Variants in EVC2 observed in about 807,000 individuals in gnomAD.
EVC2 encodes the protein limbin.
EVC2 carries 148 observed loss-of-function variants against 149.3 expected under a neutral mutation model. The observed-to-expected ratio is 0.99, with a 90% CI of 0.87 to 1.14. EVC2 has a LOEUF of 1.14. Ranked by LOEUF, EVC2 falls within the 50% of genes most tolerant of loss-of-function variation. The pLI, the probability that EVC2 is intolerant of heterozygous loss-of-function variation, is 0.00. For missense variants in EVC2, 1,854 were observed against 1,627.3 expected (o/e 1.14, Z -2.40); for synonymous variants, 776 against 649.9 (o/e 1.19, Z -2.95).
At chr4:5,543,476 G>T (rs753728994) in intron 21 of EVC2, among the ~76,000 whole-genome samples, 12 of 152,330 alleles carry the variant, frequency 7.9e-5, no homozygotes, top group Non-Finnish European at 1.5e-4. Flanking sequence ...CACACACCTA[G>T]GAGTTGGTGG....
chr4:5,533,966 G>T, the EVC2 span, among the ~76,000 whole-genome samples: 1 of 152,214 alleles, frequency 6.6e-6, no homozygotes, highest in African/African-American at 2.4e-5. Flanking sequence ...CGATGAGCAA[G>T]GGGGAGATGA....
At chr4:5,589,284 T>C (rs1057428577) in intron 16 of EVC2, among the ~76,000 whole-genome samples, 1 of 152,252 alleles carries the variant, frequency 6.6e-6, no homozygotes, top group African/African-American at 2.4e-5. Context: ...TGATGTCCTC[T>C]GAATTGAGGC....
At chr4:5,671,854 G>T (rs181708757) in intron 7 of EVC2, among the ~76,000 whole-genome samples, 7 of 152,322 alleles carry the variant, frequency 4.6e-5, no homozygotes, top group Admixed American at 4.6e-4. Context: ...CATTTCACAT[G>T]TGAAGAAACC....
At chr4:5,645,247 CTCT>C (rs1381783433) in intron 9 of EVC2, among the ~76,000 whole-genome samples, 1 of 89,408 alleles carries the variant, frequency 1.1e-5, no homozygotes, top group Middle Eastern at 5.8e-3. Context: ...TAACATCCAC[CTCT>C]TTTTTTTTTT....
chr4:5,654,213 CA>C (rs112757078), intron 9 of EVC2, among the ~76,000 whole-genome samples: 15 of 145,824 alleles, frequency 1.0e-4, no homozygotes, highest in East Asian at 2.0e-4. Flanking sequence ...GACTCCGTCT[CA>C]AAAAAAAAAG....
At chr4:5,665,795 G>A in intron 7 of EVC2, 146 bp from the exon 8 acceptor site, 1 of 1,308,452 alleles carries the variant, frequency 7.6e-7, no homozygotes, top group Non-Finnish European at 1.1e-6. Flanking sequence ...CTACCAGCTG[G>A]CTGCCTGGAG....
In EVC2 at chr4:5,682,490, CA is replaced by C. The variant is rs772121177; in HGVS notation, c.817-1178del. On this transcript the variant is annotated intron_variant, in intron 6 of 21. Transcript: ENST00000344408. ...GGGTGACAAGAGTGAAATGCTGTCTCAAAAAAAAAAAATAATAATAATAATA... is the reference window on the plus strand; with the variant it reads ...GGGTGACAAGAGTGAAATGCTGTCTCAAAAAAAAAAATAATAATAATAATA... Among the ~76,000 whole-genome samples, 719 of 141,902 alleles carry C rather than the reference CA, an allele frequency of 5.1e-3. 6 individuals are homozygous for C. The highest frequency in any genetic ancestry group is 0.047 in the South Asian group (210 of 4,514). The allele number at this position is 141,902 out of a possible 152,430, so 93.1% of individuals were successfully genotyped here.
intron 6 of EVC2, among the ~76,000 whole-genome samples, chr4:5,682,502 AT>A (rs199940424): frequency 1.3e-3 from 181 of 143,368 alleles, no homozygotes; most frequent in African/African-American, 3.4e-3. Flanking sequence ...AAAAAAAAAA[AT>A]AATAATAATA....
At chr4:5,536,474 A>G in the EVC2 span, among the ~76,000 whole-genome samples, 1 of 152,224 alleles carries the variant, frequency 6.6e-6, no homozygotes, top group Non-Finnish European at 1.5e-5. Flanking sequence ...AATATTTTTA[A>G]TTTAAATCAC....
intron 7 of EVC2, among the ~76,000 whole-genome samples, chr4:5,672,157 C>T (rs1364076719): frequency 1.3e-5 from 2 of 152,140 alleles, no homozygotes; most frequent in Non-Finnish European, 2.9e-5. Context: ...AGGGGAGCTC[C>T]TCTCCTAGCT....
At position 5,694,258 on chromosome 4, in the gene EVC2, C is replaced by T. The variant is rs976258124; in HGVS notation, c.450+77G>A. 3 of 1,504,978 alleles carry T rather than the reference C, an allele frequency of 2.0e-6. No homozygotes were observed. The African/African-American group carries it at 4.1e-5, about 21-fold the overall frequency. 93.2% of individuals were successfully genotyped at this position (1,504,978 alleles called of 1,614,324 possible). ...TTTTTTTAAGCAACAAAAACCCGTG[C>T]CATTTTATATACAGGCCATAATTGG... is the stretch of plus-strand genomic sequence containing the variant. On this transcript the variant is annotated intron_variant, in intron 3 of 21. Coordinates refer to ENST00000344408, the MANE Select transcript of EVC2 (RefSeq NM_147127.5).
At position 5,663,122 on chromosome 4, in the gene EVC2, A is replaced by G; in HGVS notation, c.1130T>C (p.Leu377Pro). 2 of 1,614,192 alleles carry G rather than the reference A, an allele frequency of 1.2e-6. No homozygotes were observed. The highest frequency in any genetic ancestry group is 1.7e-6 in the Non-Finnish European group (2 of 1,180,018). Residue 377 changes from leucine to proline, a missense_variant, in exon 9 of 22, where the codon CTT (leucine) becomes CCT (proline). Physicochemically the swap from Leu to Pro is moderately conservative, Grantham distance 98. Coordinates refer to ENST00000344408, the MANE Select transcript of EVC2 (RefSeq NM_147127.5). ...GAATTCTTACTCTTCTAAGGCTTGAAGCATGCTCCCAGGGTCCTCGGAAGA... is the reference window on the plus strand; with the variant it reads ...GAATTCTTACTCTTCTAAGGCTTGAGGCATGCTCCCAGGGTCCTCGGAAGA... ...ILSSEDPGSM[L>P]QALEELEIAT...
chr4:5,665,802 G>A (rs529222186), intron 7 of EVC2, among the ~76,000 whole-genome samples, 153 bp from the exon 8 acceptor site: 2 of 152,312 alleles, frequency 1.3e-5, no homozygotes, highest in African/African-American at 4.8e-5. Flanking sequence ...CTGGCTGCCT[G>A]GAGGCCCTCG....
chr4:5,672,984 G>A (rs1328070970), intron 7 of EVC2, among the ~76,000 whole-genome samples: 2 of 152,184 alleles, frequency 1.3e-5, no homozygotes, highest in Non-Finnish European at 2.9e-5. Context: ...TTTGCCAGGG[G>A]CTGGGGGAGA....
intron 16 of EVC2, among the ~76,000 whole-genome samples, chr4:5,592,737 A>T (rs1043385718): frequency 1.3e-5 from 2 of 152,332 alleles, no homozygotes; most frequent in Non-Finnish European, 2.9e-5. Flanking sequence ...TAAGGAAGAA[A>T]GCCTCAAGTG....
intron 6 of EVC2, 84 bp from the exon 7 acceptor site, chr4:5,681,397 C>T: frequency 1.4e-6 from 2 of 1,406,816 alleles, no homozygotes; most frequent in Non-Finnish European, 2.0e-6. Context: ...TTCCAACCCT[C>T]CAAGCCTGGA....
chr4:5,563,823 A>G (rs1440652186), intron 21 of EVC2, among the ~76,000 whole-genome samples: 13 of 152,146 alleles, frequency 8.5e-5, no homozygotes, highest in African/African-American at 3.1e-4. Flanking sequence ...CTCTAAAAGC[A>G]GGCTAATGAA....
At position 5,545,853 on chromosome 4, in the gene EVC2, AGAG is replaced by A. The variant is rs539582992; in HGVS notation, c.3420-2644_3420-2642del. On this transcript the variant is annotated intron_variant and NMD_transcript_variant, in intron 21 of 22. Transcript: ENST00000475313. ...GTAAGGTGCTGCAGGGATGAGGAAG[AGAG>A]GAGAATTGGGAAATGATTTGCAAGA... 3.7e-3 allele frequency among the ~76,000 whole-genome samples: 558 copies of A among 152,322 alleles called. 2 individuals are homozygous for A. Among genetic ancestry groups the A allele is most frequent in the Non-Finnish European group, 5.9e-3 (400 of 68,030 alleles).
intron 9 of EVC2, among the ~76,000 whole-genome samples, chr4:5,649,679 C>G (rs1717971525): frequency 6.6e-6 from 1 of 152,166 alleles, no homozygotes; most frequent in African/African-American, 2.4e-5. Context: ...AATGAAATCA[C>G]CACAGCCATT....
Sources: allele counts gnomAD v4.1 joint callset (sites outside exome capture counted in the v4.1 genomes callset), GRCh38; gene constraint gnomAD v4.1.1; transcripts MANE v1.5; gene names NCBI Gene and HGNC (gene_info 2026-07-23, HGNC 2026-07-21).